EIF4G3: variants seen among roughly 807,000 people sequenced by gnomAD.
EIF4G3 encodes the protein eIF-4-gamma 3.
Under a neutral mutation model 186.4 loss-of-function variants are expected in EIF4G3, and 34 were observed. The ratio of observed to expected loss-of-function variants is 0.18; its 90% CI spans 0.14 to 0.24. The LOEUF (loss-of-function observed/expected upper bound fraction) is 0.24, where lower values mean the gene tolerates loss of function less well. Ranked by LOEUF, EIF4G3 falls within the 10% of genes least tolerant of loss-of-function variation. The pLI is 1.00. For synonymous variants in EIF4G3, 673 were observed against 679.5 expected, an observed-to-expected ratio of 0.99 and a Z score of 0.15; for missense variants, 1,536 against 1,948.5, an observed-to-expected ratio of 0.79 and a Z score of 3.99.
intron 4 of EIF4G3, among the ~76,000 whole-genome samples, chr1:21,047,780 T>C (rs2093978724): frequency 6.6e-6 from 1 of 152,148 alleles, no homozygotes; most frequent in Non-Finnish European, 1.5e-5. Flanking sequence ...CTACAAACTG[T>C]TTCAACTGTG....
chr1:21,166,716 G>A (rs909228004), intron 2 of EIF4G3, among the ~76,000 whole-genome samples: 1 of 152,116 alleles, frequency 6.6e-6, no homozygotes, highest in South Asian at 2.1e-4. Context: ...TTGGGTGACA[G>A]AGCAAGACTG....
At chr1:21,061,126 C>A (rs1056784562) in intron 3 of EIF4G3, among the ~76,000 whole-genome samples, 1 of 151,882 alleles carries the variant, frequency 6.6e-6, no homozygotes, top group Non-Finnish European at 1.5e-5. Flanking sequence ...AAGTTTATGG[C>A]TTGAAAGATT....
intron 29 of EIF4G3, chr1:20,847,805 C>A (rs1168518315): frequency 4.2e-6 from 2 of 471,638 alleles, no homozygotes; most frequent in Non-Finnish European, 8.8e-6. Flanking sequence ...AAAGCACTCA[C>A]CTCCACCTCA....
intron 4 of EIF4G3, among the ~76,000 whole-genome samples, chr1:21,047,750 G>A (rs760160528): frequency 6.6e-6 from 1 of 152,114 alleles, no homozygotes; most frequent in Non-Finnish European, 1.5e-5. Context: ...GTGGGCAGAA[G>A]GGAAGCTTTG....
Position 20,810,976 on chromosome 1 carries a change from G to C in EIF4G3, c.4598-92C>G. ...TTCTTTTTTCTTTTTTTGAGACAGA[G>C]CCTCACTCTATTGCCCAGGCTGGAG... On this transcript the variant is annotated intron_variant, in intron 35 of 36. Transcript: ENST00000602326. This position sits in a 1 kb window ranked among gnomAD's most constrained non-coding sequence, Gnocchi z 4.1. The C allele has an allele frequency of 7.7e-7, 1 of 1,300,728 alleles. No homozygotes were observed. The highest frequency in any genetic ancestry group is 1.0e-6 in the Non-Finnish European group (1 of 952,550). The allele number at this position is 1,300,728 out of a possible 1,614,324, so 80.6% of individuals were successfully genotyped here.
intron 20 of EIF4G3, among the ~76,000 whole-genome samples, chr1:20,878,531 C>A (rs1055335576): frequency 2.6e-5 from 4 of 152,114 alleles, no homozygotes; most frequent in African/African-American, 9.7e-5. Flanking sequence ...AAAGACTTAC[C>A]TACCTTTGAC....
At chr1:21,077,885 A>AG (rs2095637676) in intron 3 of EIF4G3, among the ~76,000 whole-genome samples, 1 of 151,718 alleles carries the variant, frequency 6.6e-6, no homozygotes, top group Admixed American at 6.6e-5. Context: ...CCGTCTCAAA[A>AG]AAAAAAAAAA....
intron 22 of EIF4G3, 40 bp downstream of exon 22, chr1:20,864,436 A>T: frequency 6.9e-7 from 1 of 1,453,494 alleles, no homozygotes; most frequent in Admixed American, 1.7e-5. Flanking sequence ...GCAACTGACA[A>T]GGAGCCTTTG....
rs915661507 is a variant in EIF4G3 at position 21,086,273 on chromosome 1, T to C, written c.-196+2865A>G. Among the ~76,000 whole-genome samples the C allele has an allele frequency of 4.7e-5, 7 of 149,944 alleles. No homozygotes were observed. In the Admixed American group the frequency reaches 4.7e-4, roughly 10 times the overall value. On this transcript the variant is annotated intron_variant, in intron 3 of 36. Coordinates refer to ENST00000602326, the MANE Select transcript of EIF4G3 (RefSeq NM_001391906.1). ...GGAGCATAGAGGTTTGATCAAAGCT[T>C]ACTGCAGCCTTTAACTCCTGGCCTC...
intron 36 of EIF4G3, 108 bp from the exon 37 acceptor site, chr1:20,807,608 A>C (rs1272417879): frequency 1.0e-6 from 1 of 988,940 alleles, no homozygotes; most frequent in African/African-American, 1.6e-5. Flanking sequence ...TAATTCCCCC[A>C]GAAAAAAGCA....
chr1:21,061,782 C>CT (rs1186511766), intron 3 of EIF4G3, among the ~76,000 whole-genome samples: 1 of 145,272 alleles, frequency 6.9e-6, no homozygotes, highest in Non-Finnish European at 1.5e-5. Flanking sequence ...GAGTCTCACT[C>CT]TGTCACCCAG....
rs761501966 is a variant in EIF4G3 at position 20,865,216 on chromosome 1, C to T, written c.2669G>A (p.Arg890Gln). ...CTGGCAACGGTTCAGTAGCAGCTTC[C>T]GGAAATTCACTGTGTTACCAGGCTT... The part of the protein sequence containing the change: ...ADKPGNTVNF[R>Q]KLLLNRCQKE... The change falls in exon 21 of 37, where the codon CGG becomes CAG. Residue 890 changes from arginine (R) to glutamine (Q), a missense_variant. By Grantham distance (43) the Arg-to-Gln change is conservative. Coordinates refer to ENST00000602326, the MANE Select transcript of EIF4G3 (RefSeq NM_001391906.1). The T allele has an allele frequency of 1.9e-6, 3 of 1,613,946 alleles. No individual in the cohort carries two copies. Among genetic ancestry groups the T allele is most frequent in the Non-Finnish European group, 2.5e-6 (3 of 1,180,010 alleles).
intron 19 of EIF4G3, 56 bp from the exon 20 acceptor site, chr1:20,879,576 T>C (rs2081737673): frequency 6.5e-6 from 7 of 1,078,680 alleles, no homozygotes; most frequent in Non-Finnish European, 8.7e-6. Flanking sequence ...AATATGGTGC[T>C]TTCTGTAATG....
At chr1:21,101,079 T>C (rs950345041) in intron 2 of EIF4G3, among the ~76,000 whole-genome samples, 4 of 152,102 alleles carry the variant, frequency 2.6e-5, no homozygotes, top group African/African-American at 9.7e-5. Flanking sequence ...GAGATTTAGT[T>C]ACGGTACCTA....
At chr1:21,012,526 C>T (rs1438915650) in intron 4 of EIF4G3, among the ~76,000 whole-genome samples, 2 of 152,152 alleles carry the variant, frequency 1.3e-5, no homozygotes, top group Non-Finnish European at 1.5e-5. Context: ...GTCCACATCA[C>T]CCAATGAAAA....
chr1:20,849,605 T>C, intron 28 of EIF4G3, 75 bp from the exon 29 acceptor site: 1 of 585,140 alleles, frequency 1.7e-6, no homozygotes, highest in Non-Finnish European at 2.9e-6. Context: ...TGGTTGACAA[T>C]ATTATGTGCT....
intron 16 of EIF4G3, among the ~76,000 whole-genome samples, chr1:20,897,881 A>T (rs1170595905): frequency 6.6e-6 from 1 of 151,836 alleles, no homozygotes; most frequent in East Asian, 1.9e-4. Context: ...ATTAAAATAT[A>T]ATATAAAATA....
chr1:20,959,436 GAAGAT>G (rs1218954432), intron 12 of EIF4G3, among the ~76,000 whole-genome samples: 2 of 151,900 alleles, frequency 1.3e-5, no homozygotes, highest in African/African-American at 4.8e-5. Flanking sequence ...AAAAATTCTA[GAAGAT>G]AACATTGGAA....
chr1:20,825,136 T>C lies in EIF4G3; in HGVS notation c.4332A>G (p.Pro1444=), dbSNP rs768530398. Residue 1444 remains proline (P), a synonymous_variant, in exon 33 of 37, where the codon CCA becomes CCG. Coordinates refer to ENST00000602326, the MANE Select transcript of EIF4G3 (RefSeq NM_001391906.1). ...EADLSWKDFL[P]EGEDVHNFLL... ...GAAAATTATGTACATCTTCTCCTTC[T>C]GGTAAAAAGTCCTTCCAGCTGAGGT... 1.2e-6 allele frequency: 2 copies of C among 1,613,106 alleles called. No individual in the cohort carries two copies. Among genetic ancestry groups the C allele is most frequent in the Non-Finnish European group, 8.5e-7 (1 of 1,179,618 alleles).
Sources: gnomAD v4.1 joint callset for allele counts (sites outside exome capture counted in the v4.1 genomes callset) on GRCh38, gnomAD v4.1.1 for gene constraint, Gnocchi (gnomAD v3.1) non-coding constraint, MANE v1.5 for transcripts, NCBI Gene and HGNC (gene_info 2026-07-23, HGNC 2026-07-21) for gene names.